WDCP: variants seen among roughly 807,000 people sequenced by gnomAD.
WDCP encodes WD repeat and coiled-coil-containing protein.
Under a neutral mutation model 41.6 loss-of-function variants are expected in WDCP, and 19 were observed. That is an observed-to-expected ratio of 0.46 (90% confidence interval 0.32 to 0.67). The LOEUF (loss-of-function observed/expected upper bound fraction) is 0.67, where lower values mean the gene tolerates loss of function less well. Among genes scored for constraint, WDCP ranks in the 30% least tolerant of loss-of-function variants. WDCP has a pLI of 0.04. For missense variants in WDCP, 802 were observed against 850.7 expected (o/e 0.94, Z 0.71); for synonymous variants, 302 against 320.8 (o/e 0.94, Z 0.63).
At chr2:24,042,769 A>C (rs1336873226) in intron 1 of WDCP, among the ~76,000 whole-genome samples, 2 of 151,810 alleles carry the variant, frequency 1.3e-5, no homozygotes, top group Non-Finnish European at 2.9e-5. Context: ...GCGGCGGCTC[A>C]CGCCTGTAAT....
chr2:24,036,259 A>G (rs1199241282), intron 2 of WDCP, among the ~76,000 whole-genome samples: 2 of 150,512 alleles, frequency 1.3e-5, no homozygotes, highest in Non-Finnish European at 3.0e-5. Flanking sequence ...TAATCCCAGC[A>G]CTTTGGGAGG....
At chr2:24,036,140 T>TA (rs997893001) in intron 2 of WDCP, among the ~76,000 whole-genome samples, 30 of 146,626 alleles carry the variant, frequency 2.0e-4, no homozygotes, top group East Asian at 3.9e-4. Flanking sequence ...AGCTGTGACT[T>TA]AAAAAAAAAA....
chr2:24,032,868 G>T lies in WDCP; in HGVS notation c.1897C>A (p.Gln633Lys). The T allele has an allele frequency of 6.2e-7, 1 of 1,613,602 alleles. No individual in the cohort carries two copies. Reference sequence around the variant, plus strand: ...ATGAGAGAAAGGCCAAAAGTCTGCTGAACTGTACTGAGCCTTAGTTTACCA... The same window carrying T: ...ATGAGAGAAAGGCCAAAAGTCTGCTTAACTGTACTGAGCCTTAGTTTACCA... ...CDGKLRLSTVQQTFGLSLIEM... is the reference protein window; with the variant it reads ...CDGKLRLSTVKQTFGLSLIEM... Residue 633 changes from glutamine (Q) to lysine (K), a missense_variant, in exon 3 of 4, where the codon CAG becomes AAG. Gln to Lys is a moderately conservative substitution (Grantham distance 53). Around this residue, in one of 5 missense-constraint regions of WDCP, gnomAD observed 321 missense variants for 305.1 expected, o/e 1.05. Coordinates refer to ENST00000295148, the MANE Select transcript of WDCP (RefSeq NM_025203.3).
At chr2:24,034,228 C>G (rs1663175444) in intron 2 of WDCP, among the ~76,000 whole-genome samples, 1 of 152,164 alleles carries the variant, frequency 6.6e-6, no homozygotes, top group African/African-American at 2.4e-5. Context: ...CGAGACCAGC[C>G]TGGCCAACAT....
chr2:24,033,213 C>T, intron 2 of WDCP: 1 of 550,762 alleles, frequency 1.8e-6, no homozygotes, highest in Non-Finnish European at 3.6e-6. Flanking sequence ...CAACTAATAA[C>T]ACTAAAAGGA....
At chr2:24,042,907 C>T (rs937231305) in intron 1 of WDCP, among the ~76,000 whole-genome samples, 2 of 151,354 alleles carry the variant, frequency 1.3e-5, no homozygotes, top group African/African-American at 4.9e-5. Context: ...GTGGCACATG[C>T]CTGTAATTCC....
At chr2:24,041,308 C>T (rs1043746468) in intron 1 of WDCP, among the ~76,000 whole-genome samples, 17 of 150,616 alleles carry the variant, frequency 1.1e-4, no homozygotes, top group African/African-American at 3.9e-4. Context: ...CATTGCACTT[C>T]AGCCTGGGCG....
At chr2:24,043,033 CA>C (rs138929912) in intron 1 of WDCP, among the ~76,000 whole-genome samples, 71 of 135,032 alleles carry the variant, frequency 5.3e-4, no homozygotes, top group East Asian at 8.7e-4. Flanking sequence ...AACTCCGTCT[CA>C]AAAAAAAAAA....
Position 24,038,982 on chromosome 2 carries a change from C to G in WDCP, c.513G>C (p.Leu171=). 2 of 1,614,170 alleles carry G rather than the reference C, an allele frequency of 1.2e-6. No homozygotes were observed. Among genetic ancestry groups the G allele is most frequent in the Non-Finnish European group, 1.7e-6 (2 of 1,180,030 alleles). The change falls in exon 2 of 4, where the codon CTG becomes CTC. Residue 171 remains leucine (L), a synonymous_variant. Transcript: ENST00000295148. ...CACWTQDGLR[L]VVAVGSSLHS... ...GCAGGCTGCTGCCTACTGCCACCAC[C>G]AGCCTCAGGCCATCCTGGGTCCAAC...
Position 24,038,884 on chromosome 2 carries a change from C to T in WDCP, c.611G>A (p.Ser204Asn). ...CSSCLVFDVD[S>N]HVCSITATVD... ...AGTTGCTGTGATGGAGCAGACGTGG[C>T]TGTCCACATCAAACACCAGGCAGGA... The change falls in exon 2 of 4, where the codon AGC becomes AAC. Residue 204 changes from serine to asparagine, a missense_variant. Physicochemically the swap from Ser to Asn is conservative, Grantham distance 46. Around this residue, in one of 5 missense-constraint regions of WDCP, gnomAD observed 214 missense variants for 252.9 expected, o/e 0.85. Transcript: ENST00000295148. The T allele has an allele frequency of 1.2e-6, 2 of 1,614,242 alleles. No individual in the cohort carries two copies. The highest frequency in any genetic ancestry group is 1.7e-6 in the Non-Finnish European group (2 of 1,180,048).
In WDCP at chr2:24,039,324, A is replaced by C. The variant is rs1573662414; in HGVS notation, c.171T>G (p.Phe57Leu). 1 of 1,614,220 alleles carries C rather than the reference A, an allele frequency of 6.2e-7. No homozygotes were observed. ...KFGDSKVIGQFECVCGLSWAP... is the reference protein window; with the variant it reads ...KFGDSKVIGQLECVCGLSWAP... ...CCCAGGACAACCCACAGACACATTC[A>C]AACTGTCCAATGACTTTGGAGTCCC... The change falls in exon 2 of 4, where the codon TTT becomes TTG. Residue 57 changes from phenylalanine (F) to leucine (L), a missense_variant. Physicochemically the swap from Phe to Leu is conservative, Grantham distance 22 (BLOSUM62 0). Transcript: ENST00000295148.
At chr2:24,037,557 C>T in intron 2 of WDCP, 120 bp downstream of exon 2, 1 of 1,174,008 alleles carries the variant, frequency 8.5e-7, no homozygotes, top group Non-Finnish European at 1.2e-6. Flanking sequence ...TGTAACATAA[C>T]ATGCCCAGCT....
chr2:24,035,688 G>A (rs978416217), intron 2 of WDCP, among the ~76,000 whole-genome samples: 1 of 152,022 alleles, frequency 6.6e-6, no homozygotes, highest in Admixed American at 6.6e-5. Context: ...GCTGAAGCAG[G>A]AGGACTGCTT....
intron 1 of WDCP, among the ~76,000 whole-genome samples, chr2:24,044,263 G>C (rs1046799807): frequency 5.3e-5 from 8 of 151,646 alleles, no homozygotes; most frequent in African/African-American, 1.5e-4. Context: ...TAAGTTTACT[G>C]AGGTTTTTTT....
In WDCP at chr2:24,032,865, G is replaced by C. The variant is rs1259663074; in HGVS notation, c.1900C>G (p.Gln634Glu). The change falls in exon 3 of 4, where the codon CAG (glutamine) becomes GAG (glutamate). Residue 634 changes from glutamine (Q) to glutamate (E), a missense_variant. By Grantham distance (29) the Gln-to-Glu change is conservative. This residue lies in a region of WDCP where 321 missense variants were observed against 305.1 expected (regional missense o/e 1.05). Coordinates refer to ENST00000295148, the MANE Select transcript of WDCP (RefSeq NM_025203.3). Reference protein sequence around the residue: ...DGKLRLSTVQQTFGLSLIEML... With the variant: ...DGKLRLSTVQETFGLSLIEML... ...TCAATGAGAGAAAGGCCAAAAGTCT[G>C]CTGAACTGTACTGAGCCTTAGTTTA... 1.2e-6 allele frequency: 2 copies of C among 1,613,396 alleles called. No homozygotes were observed. Among genetic ancestry groups the C allele is most frequent in the Admixed American group, 3.3e-5 (2 of 60,004 alleles).
Position 24,031,025 on chromosome 2 carries a change from C to T in WDCP, c.2074G>A (p.Gly692Ser). ...VFRDSFSHSP[G>S]AVSSLKVFTG... ...AAGACTTTAAGAGAAGAAACAGCAC[C>T]TGGACTGTGAGAAAAAGAGTCTCTG... Residue 692 changes from glycine to serine, a missense_variant, in exon 4 of 4, where the codon GGT becomes AGT. Gly to Ser is a moderately conservative substitution (Grantham distance 56). Coordinates refer to ENST00000295148, the MANE Select transcript of WDCP (RefSeq NM_025203.3). 1 of 1,614,206 alleles carries T rather than the reference C, an allele frequency of 6.2e-7. No individual in the cohort carries two copies.
chr2:24,036,253 C>G (rs958763624), intron 2 of WDCP, among the ~76,000 whole-genome samples: 1 of 151,920 alleles, frequency 6.6e-6, no homozygotes. Flanking sequence ...CACCTGTAAT[C>G]CCAGCACTTT....
Position 24,038,240 on chromosome 2 carries a change from A to G in WDCP, c.1255T>C (p.Ser419Pro). 1 of 1,614,162 alleles carries G rather than the reference A, an allele frequency of 6.2e-7. No homozygotes were observed. Among genetic ancestry groups the G allele is most frequent in the Non-Finnish European group, 8.5e-7 (1 of 1,179,998 alleles). ...ATCAAGCTAATGGCATACTGATCAG[A>G]CTTTGAAGAAGGAAGAAATGTTGTA... ...TDTTFLPSSK[S>P]DQYAISLIVR... Residue 419 changes from serine (S) to proline (P), a missense_variant, in exon 2 of 4, where the codon TCT (serine) becomes CCT (proline). Physicochemically the swap from Ser to Pro is moderately conservative, Grantham distance 74. This residue lies in a region of WDCP where 247 missense variants were observed against 240.5 expected (regional missense o/e 1.03). Coordinates refer to ENST00000295148, the MANE Select transcript of WDCP (RefSeq NM_025203.3).
Position 24,038,332 on chromosome 2 carries a change from G to A in WDCP, c.1163C>T (p.Pro388Leu). ...QQIRLENTER[P>L]KGICFLTDQL... The stretch of plus-strand genomic sequence containing the variant: ...GTCTGTCAAGAAACATATCCCTTTT[G>A]GTCTTTCAGTGTTCTCTAATCGAAT... Residue 388 changes from proline to leucine, a missense_variant, in exon 2 of 4, where the codon CCA becomes CTA. Around this residue, in one of 5 missense-constraint regions of WDCP, gnomAD observed 247 missense variants for 240.5 expected, o/e 1.03. Transcript: ENST00000295148. The A allele has an allele frequency of 6.2e-7, 1 of 1,614,094 alleles. No homozygotes were observed. Among genetic ancestry groups the A allele is most frequent in the Non-Finnish European group, 8.5e-7 (1 of 1,180,002 alleles).
Sources: allele counts gnomAD v4.1 joint callset (sites outside exome capture counted in the v4.1 genomes callset), GRCh38; gene constraint gnomAD v4.1.1; regional missense constraint gnomAD v4.1.1; transcripts MANE v1.5; gene names NCBI Gene and HGNC (gene_info 2026-07-23, HGNC 2026-07-21).